ATRNL1: variants seen among roughly 807,000 people sequenced by gnomAD.
ATRNL1 encodes the protein attractin-like protein 1.
In ATRNL1, 95 loss-of-function variants were observed where a neutral mutation model predicts 182.7. That is an observed-to-expected ratio of 0.52 (90% CI 0.44 to 0.62). ATRNL1 has a LOEUF of 0.62. ATRNL1 is among the 20% of genes least tolerant of loss of function. The pLI is 0.00. For missense variants in ATRNL1, 1,471 were observed against 1,679.5 expected, an observed-to-expected ratio of 0.88 and a Z score of 2.17; for synonymous variants, 576 against 568.3, an observed-to-expected ratio of 1.01 and a Z score of -0.19.
chr10:115,477,730 A>C (rs1006343021), intron 24 of ATRNL1, among the ~76,000 whole-genome samples: 20 of 151,816 alleles, frequency 1.3e-4, no homozygotes, highest in African/African-American at 4.8e-4. Flanking sequence ...CCTTGATAGA[A>C]GCATATTAAT....
intron 21 of ATRNL1, among the ~76,000 whole-genome samples, chr10:115,461,388 C>T (rs621798): frequency 0.016 from 2,425 of 152,042 alleles, 67 homozygotes; most frequent in African/African-American, 0.055. Context: ...AAGGTCATAT[C>T]TGTAAAATGA....
intron 27 of ATRNL1, chr10:115,820,365 T>G (rs1950263446): frequency 6.6e-6 from 1 of 152,082 alleles, no homozygotes; most frequent in Admixed American, 6.6e-5. Context: ...CTTTACACAG[T>G]GTTTATGGCA....
At chr10:115,728,101 C>T in intron 27 of ATRNL1, among the ~76,000 whole-genome samples, 1 of 138,416 alleles carries the variant, frequency 7.2e-6, no homozygotes. Flanking sequence ...TGGTGAAACC[C>T]CGTCTCTACT....
At chr10:115,209,030 A>G (rs72836576) in intron 8 of ATRNL1, among the ~76,000 whole-genome samples, 4,019 of 151,980 alleles carry the variant, frequency 0.026, 77 homozygotes, top group Non-Finnish European at 0.041. Context: ...AACTACTATA[A>G]AAGTAAAAAA....
intron 10 of ATRNL1, among the ~76,000 whole-genome samples, chr10:115,245,492 TC>T (rs1265110510): frequency 2.7e-5 from 2 of 73,000 alleles, no homozygotes; most frequent in Non-Finnish European, 4.7e-5. Context: ...AGACCGACAC[TC>T]CGTCTCAAAA....
chr10:115,906,144 G>A (rs1384702899), intron 28 of ATRNL1, among the ~76,000 whole-genome samples: 1 of 151,910 alleles, frequency 6.6e-6, no homozygotes, highest in Non-Finnish European at 1.5e-5. Flanking sequence ...TTTACAACAA[G>A]TAAATATTTA....
intron 27 of ATRNL1, among the ~76,000 whole-genome samples, chr10:115,795,367 T>C (rs1264922881): frequency 6.6e-6 from 1 of 152,144 alleles, no homozygotes; most frequent in Non-Finnish European, 1.5e-5. Context: ...CCTAATTAGG[T>C]GATGAACCCG....
At position 115,890,713 on chromosome 10, in the gene ATRNL1, A is replaced by G. The variant is rs780793866; in HGVS notation, c.4018+42722A>G. 8.9e-4 allele frequency among the ~76,000 whole-genome samples: 136 copies of G among 152,188 alleles called. 1 individual carries two copies. The highest frequency in any genetic ancestry group is 1.8e-3 in the Non-Finnish European group (123 of 68,032). The stretch of plus-strand genomic sequence containing the variant: ...AATGAGCCAATAAACTTTAGGTCCT[A>G]AGAAATATAGCCCCGTAATGATGCC... On this transcript the variant is annotated intron_variant, in intron 28 of 28. Transcript: ENST00000355044.
At chr10:115,676,822 C>G (rs1555043210) in intron 26 of ATRNL1, among the ~76,000 whole-genome samples, 2 of 151,990 alleles carry the variant, frequency 1.3e-5, no homozygotes, top group African/African-American at 4.8e-5. Flanking sequence ...TGATTACTTA[C>G]AGCATGTGCT....
chr10:115,689,449 T>C (rs1555047384), intron 26 of ATRNL1, among the ~76,000 whole-genome samples: 2 of 152,232 alleles, frequency 1.3e-5, no homozygotes, highest in Non-Finnish European at 2.9e-5. Context: ...ATATTATGTT[T>C]TCATATGTTG....
At chr10:115,405,938 C>T (rs1461640770) in intron 20 of ATRNL1, among the ~76,000 whole-genome samples, 9 of 147,554 alleles carry the variant, frequency 6.1e-5, no homozygotes, top group East Asian at 4.1e-4. Context: ...TGAGAACATG[C>T]GGTGTTTGTT....
intron 21 of ATRNL1, among the ~76,000 whole-genome samples, chr10:115,436,896 C>T (rs933432854): frequency 6.6e-6 from 1 of 151,946 alleles, no homozygotes; most frequent in Non-Finnish European, 1.5e-5. Flanking sequence ...AGATATTAAA[C>T]CAGTTATATG....
intron 15 of ATRNL1, among the ~76,000 whole-genome samples, chr10:115,297,780 A>G (rs1554923174): frequency 6.6e-6 from 1 of 151,950 alleles, no homozygotes; most frequent in Non-Finnish European, 1.5e-5. Context: ...GATATTTGAT[A>G]TTAGAACTCT....
At chr10:115,490,790 C>A (rs900383554) in intron 24 of ATRNL1, among the ~76,000 whole-genome samples, 31 of 152,102 alleles carry the variant, frequency 2.0e-4, no homozygotes, top group Non-Finnish European at 4.1e-4. Context: ...AGTTGTGATC[C>A]TTTGGAGGAG....
chr10:115,581,557 C>G (rs1387011594), intron 26 of ATRNL1, among the ~76,000 whole-genome samples: 2 of 151,964 alleles, frequency 1.3e-5, no homozygotes, highest in African/African-American at 4.8e-5. Context: ...TATTAAAAGT[C>G]TAGTTTGATA....
At chr10:115,111,599 A>G (rs1050088248) in intron 1 of ATRNL1, among the ~76,000 whole-genome samples, 5 of 152,092 alleles carry the variant, frequency 3.3e-5, no homozygotes, top group Admixed American at 3.3e-4. Flanking sequence ...GAACTAATAG[A>G]GTGAGAACTC....
At chr10:115,881,553 C>T (rs1198047510) in intron 28 of ATRNL1, among the ~76,000 whole-genome samples, 1 of 152,176 alleles carries the variant, frequency 6.6e-6, no homozygotes, top group East Asian at 1.9e-4. Flanking sequence ...TCAACCTTTA[C>T]ATTCAGTTAA....
chr10:115,501,741 A>C (rs1849850233), intron 24 of ATRNL1, among the ~76,000 whole-genome samples: 1 of 152,206 alleles, frequency 6.6e-6, no homozygotes, highest in Non-Finnish European at 1.5e-5. Flanking sequence ...CATTGAAAAA[A>C]CAAAACAAAG....
intron 8 of ATRNL1, among the ~76,000 whole-genome samples, chr10:115,188,779 A>G (rs1489521576): frequency 6.6e-6 from 1 of 152,108 alleles, no homozygotes; most frequent in East Asian, 1.9e-4. Flanking sequence ...TAAATTGGAC[A>G]TTGATTTTTA....
Sources: allele counts gnomAD v4.1 joint callset (sites outside exome capture counted in the v4.1 genomes callset), GRCh38; gene constraint gnomAD v4.1.1; transcripts MANE v1.5; gene names NCBI Gene and HGNC (gene_info 2026-07-23, HGNC 2026-07-21).